SLX9: variants seen among roughly 807,000 people sequenced by gnomAD.
SLX9 encodes SLX9 ribosome biogenesis factor.
A neutral mutation model predicts 20.8 loss-of-function variants in SLX9; 19 were observed. The observed-to-expected ratio is 0.91, with a 90% CI of 0.64 to 1.34. The LOEUF (loss-of-function observed/expected upper bound fraction) is 1.34. Ranked by LOEUF, SLX9 falls within the 40% of genes most tolerant of loss-of-function variation. SLX9 has a pLI of 0.00. For synonymous variants in SLX9, 113 were observed against 137.1 expected (o/e 0.82, Z 1.23); for missense variants, 299 against 322.2 (o/e 0.93, Z 0.55).
intron 2 of SLX9, among the ~76,000 whole-genome samples, chr21:44,948,862 G>T (rs1052373128): frequency 6.6e-6 from 1 of 152,214 alleles, no homozygotes; most frequent in Non-Finnish European, 1.5e-5. Flanking sequence ...TGCCTCCAAG[G>T]GAGACTGGAG....
Position 44,959,288 on chromosome 21 carries a change from G to A in SLX9, c.284-812G>A, listed in dbSNP as rs1429425737. ...AATTAAAAGAGATACTGGGAGATGT[G>A]TTCTGGGGAGAATGCAGCCGAGGCT... is the stretch of plus-strand genomic sequence containing the variant. On this transcript the variant is annotated intron_variant, in intron 2 of 5. Coordinates refer to ENST00000291634, the MANE Select transcript of SLX9 (RefSeq NM_058190.4). The A allele has an allele frequency of 4.1e-6, 4 of 983,340 alleles. No homozygotes were observed. In the African/African-American group the frequency reaches 7.0e-5, roughly 17 times the overall value. 60.9% of individuals were successfully genotyped at this position (983,340 alleles called of 1,614,324 possible). A position where few individuals can be genotyped will look rare whatever the true frequency, so the allele number is the denominator to read the frequency against.
intron 2 of SLX9, among the ~76,000 whole-genome samples, chr21:44,954,952 A>G (rs2084827627): frequency 1.3e-5 from 2 of 152,130 alleles, no homozygotes; most frequent in African/African-American, 4.8e-5. Flanking sequence ...GGTGGCTCAC[A>G]CCTGCAGTCC....
chr21:44,956,456 T>C (rs937449709), intron 2 of SLX9, among the ~76,000 whole-genome samples: 2 of 152,196 alleles, frequency 1.3e-5, no homozygotes, highest in Non-Finnish European at 2.9e-5. Context: ...CCAGAAGGCG[T>C]GGCGAGAAGA....
intron 1 of SLX9, among the ~76,000 whole-genome samples, chr21:44,941,095 T>A (rs1041215744): frequency 1.3e-5 from 2 of 152,308 alleles, no homozygotes; most frequent in Admixed American, 6.5e-5. Flanking sequence ...CTCCTCATTT[T>A]AAAAAATACT....
intron 2 of SLX9, among the ~76,000 whole-genome samples, chr21:44,955,806 T>C (rs1432507605): frequency 1.3e-5 from 2 of 152,238 alleles, no homozygotes; most frequent in East Asian, 3.9e-4. Flanking sequence ...ATAGGGAGTG[T>C]GGGCCATCCT....
At chr21:44,948,519 C>T (rs1258508994) in intron 2 of SLX9, among the ~76,000 whole-genome samples, 2 of 152,186 alleles carry the variant, frequency 1.3e-5, no homozygotes, top group East Asian at 1.9e-4. Context: ...TTCAGACAGG[C>T]ACTTGGGACT....
intron 1 of SLX9, among the ~76,000 whole-genome samples, chr21:44,940,691 T>G (rs1412813201): frequency 7.0e-6 from 1 of 142,132 alleles, no homozygotes; most frequent in Non-Finnish European, 1.6e-5. Context: ...TTTTTTTGGC[T>G]TTTGCCTTAA....
chr21:44,968,912 C>T (rs796683303), intron 4 of SLX9, among the ~76,000 whole-genome samples: 17 of 152,266 alleles, frequency 1.1e-4, no homozygotes, highest in African/African-American at 3.9e-4. Context: ...CGCCACCATA[C>T]CTGGCTAATT....
intron 2 of SLX9, chr21:44,958,251 C>G (rs114269516): frequency 6.6e-6 from 1 of 152,422 alleles, no homozygotes; most frequent in African/African-American, 2.4e-5. Flanking sequence ...CTGCTGGGAT[C>G]TGGGTTTGGG....
At chr21:44,972,942 G>A in intron 4 of SLX9, 3 of 38,166 alleles carry the variant, frequency 7.9e-5, no homozygotes, top group South Asian at 7.4e-4. Context: ...GCAGCTTGGG[G>A]CCCGCGGTCA....
Position 44,967,113 on chromosome 21 carries a change from G to A in SLX9, c.432G>A (p.Leu144=). The A allele has an allele frequency of 1.2e-6, 2 of 1,610,818 alleles. No individual in the cohort carries two copies. The highest frequency in any genetic ancestry group is 1.7e-6 in the Non-Finnish European group (2 of 1,179,212). The change falls in exon 4 of 6, where the codon CTG becomes CTA. Residue 144 remains leucine (L), a synonymous_variant. Coordinates refer to ENST00000291634, the MANE Select transcript of SLX9 (RefSeq NM_058190.4). ...GGGCCACGGTGGTGGTGGGGGACCTGCACCCTCTCAGGGATGCCCTGCCCG... is the reference window on the plus strand; with the variant it reads ...GGGCCACGGTGGTGGTGGGGGACCTACACCCTCTCAGGGATGCCCTGCCCG... ...RRRATVVVGD[L]HPLRDALPEL...
At chr21:44,939,788 C>A, upstream of SLX9, 1 of 552,066 alleles carries the variant, frequency 1.8e-6, no homozygotes, top group South Asian at 1.7e-5. Flanking sequence ...CAACCCCGGG[C>A]TTGGGTCCCC....
chr21:44,966,924 A>G, intron 3 of SLX9, 110 bp from the exon 4 acceptor site: 1 of 1,393,246 alleles, frequency 7.2e-7, no homozygotes, highest in Non-Finnish European at 9.9e-7. Context: ...CGGGAAGGAG[A>G]GAGGCAGCAG....
intron 2 of SLX9, among the ~76,000 whole-genome samples, chr21:44,954,400 G>A (rs1008582842): frequency 3.9e-5 from 6 of 152,132 alleles, no homozygotes; most frequent in Non-Finnish European, 7.4e-5. Context: ...TCTCTCGGGA[G>A]GAATGTCGAA....
intron 3 of SLX9, among the ~76,000 whole-genome samples, chr21:44,961,691 A>G (rs780422304): frequency 2.6e-5 from 4 of 152,064 alleles, no homozygotes; most frequent in African/African-American, 7.2e-5. Flanking sequence ...TTGTATCTCC[A>G]CCTTCATTTC....
chr21:44,946,905 G>T (rs1299265665), intron 2 of SLX9, among the ~76,000 whole-genome samples: 3 of 152,210 alleles, frequency 2.0e-5, no homozygotes, highest in Non-Finnish European at 4.4e-5. Context: ...CACCAGCTTG[G>T]CAGGGTGGCA....
intron 4 of SLX9, among the ~76,000 whole-genome samples, 182 bp downstream of exon 4, chr21:44,967,363 C>T (rs140621159): frequency 6.6e-6 from 1 of 152,188 alleles, no homozygotes; most frequent in Non-Finnish European, 1.5e-5. Context: ...TCGTGAGGCC[C>T]GTGGGGGCTG....
At chr21:44,947,917 GGCTACA>G (rs1423352883) in intron 2 of SLX9, among the ~76,000 whole-genome samples, 1 of 152,242 alleles carries the variant, frequency 6.6e-6, no homozygotes, top group Non-Finnish European at 1.5e-5. Flanking sequence ...CCCATGTCGG[GGCTACA>G]GCTCCTCCAT....
chr21:44,948,484 A>G (rs1435534564), intron 2 of SLX9, among the ~76,000 whole-genome samples: 1 of 152,244 alleles, frequency 6.6e-6, no homozygotes, highest in Non-Finnish European at 1.5e-5. Flanking sequence ...GTGTTCCTTC[A>G]TACCAGAAAA....
Sources: gnomAD v4.1 joint callset for allele counts (sites outside exome capture counted in the v4.1 genomes callset) on GRCh38, gnomAD v4.1.1 for gene constraint, MANE v1.5 for transcripts, NCBI Gene and HGNC (gene_info 2026-07-23, HGNC 2026-07-21) for gene names.